The following B3GAT2 variants were observed in gnomAD, a reference collection of about 807,000 sequenced individuals.
The protein encoded by B3GAT2 is galactosylgalactosylxylosylprotein 3-beta-glucuronosyltransferase 2.
A neutral mutation model predicts 27.8 loss-of-function variants in B3GAT2; 26 were observed. That is an observed-to-expected ratio of 0.93 (90% CI 0.68 to 1.30). B3GAT2 has a LOEUF of 1.30. Among genes scored for constraint, B3GAT2 ranks in the 50% most tolerant of loss-of-function variants. The pLI is 0.00. For missense variants in B3GAT2, 458 were observed against 459.0 expected (o/e 1.00, Z 0.02); for synonymous variants, 218 against 195.1 (o/e 1.12, Z -0.98).
chr6:70,933,542 C>G (rs1048645617), intron 1 of B3GAT2, among the ~76,000 whole-genome samples: 2 of 152,174 alleles, frequency 1.3e-5, no homozygotes, highest in African/African-American at 2.4e-5. Context: ...ATGTCTCTAG[C>G]ACTCTTGCCA....
chr6:70,905,885 C>CTG (rs36123503), intron 1 of B3GAT2, among the ~76,000 whole-genome samples: 27 of 150,790 alleles, frequency 1.8e-4, no homozygotes, highest in South Asian at 8.4e-4. Flanking sequence ...TCTCCTGGCA[C>CTG]TGTGTGTGTG....
chr6:70,952,876 A>C (rs959585093), intron 1 of B3GAT2, among the ~76,000 whole-genome samples: 1 of 152,260 alleles, frequency 6.6e-6, no homozygotes, highest in Non-Finnish European at 1.5e-5. Flanking sequence ...GAGATGACAA[A>C]GCACCATTCC....
intron 1 of B3GAT2, among the ~76,000 whole-genome samples, chr6:70,925,650 G>A (rs1354323955): frequency 6.6e-6 from 1 of 152,226 alleles, no homozygotes; most frequent in Non-Finnish European, 1.5e-5. Flanking sequence ...CGGCCAGAAA[G>A]CTCAAACTGG....
intron 2 of B3GAT2, among the ~76,000 whole-genome samples, chr6:70,886,466 G>A (rs1259068076): frequency 6.6e-6 from 1 of 152,176 alleles, no homozygotes; most frequent in African/African-American, 2.4e-5. Context: ...TTTAGTCCTG[G>A]AATGAATGTT....
At chr6:70,931,125 A>G (rs1256417141) in intron 1 of B3GAT2, among the ~76,000 whole-genome samples, 2 of 152,092 alleles carry the variant, frequency 1.3e-5, no homozygotes, top group Non-Finnish European at 2.9e-5. Context: ...ATAGGTGGGA[A>G]CTGAACAATG....
At chr6:70,877,302 T>C (rs1398841002) in intron 2 of B3GAT2, among the ~76,000 whole-genome samples, 1 of 152,042 alleles carries the variant, frequency 6.6e-6, no homozygotes, top group Non-Finnish European at 1.5e-5. Flanking sequence ...GGAGCTTACA[T>C]CAGAACCTGG....
At chr6:70,896,303 A>G (rs904129262) in intron 1 of B3GAT2, among the ~76,000 whole-genome samples, 2 of 152,180 alleles carry the variant, frequency 1.3e-5, no homozygotes, top group African/African-American at 2.4e-5. Flanking sequence ...CGTCAGTGTA[A>G]TAAGTCTTAG....
Position 70,857,114 on chromosome 6 carries a change from T to C in B3GAT2, c.*4549A>G. 1 of 1,339,316 alleles carries C rather than the reference T, an allele frequency of 7.5e-7. No individual in the cohort carries two copies. The highest frequency in any genetic ancestry group is 1.0e-6 in the Non-Finnish European group (1 of 1,000,768). 83.0% of individuals were successfully genotyped at this position (1,339,316 alleles called of 1,614,324 possible). A position where few individuals can be genotyped will look rare whatever the true frequency, so the allele number is the denominator to read the frequency against. On this transcript the variant is annotated 3_prime_UTR_variant, in exon 4 of 4. Coordinates refer to ENST00000230053, the MANE Select transcript of B3GAT2 (RefSeq NM_080742.3). Reference sequence around the variant, plus strand: ...ATATAATAAGATCAATTATATATCTTTTATTGTTCCATGTAGTGAGTGCTT... The same window carrying C: ...ATATAATAAGATCAATTATATATCTCTTATTGTTCCATGTAGTGAGTGCTT...
intron 1 of B3GAT2, among the ~76,000 whole-genome samples, chr6:70,943,163 GT>G (rs534139056): frequency 8.0e-4 from 121 of 152,078 alleles, no homozygotes; most frequent in African/African-American, 2.6e-3. Context: ...AAGTTTTCTT[GT>G]TTTTTTTAAC....
intron 1 of B3GAT2, among the ~76,000 whole-genome samples, chr6:70,951,272 G>A (rs1183798957): frequency 6.6e-6 from 1 of 152,116 alleles, no homozygotes; most frequent in Non-Finnish European, 1.5e-5. Context: ...CATTGACTTT[G>A]GATTTTCTAT....
chr6:70,877,435 T>A (rs1004586422), intron 2 of B3GAT2, among the ~76,000 whole-genome samples: 1 of 152,122 alleles, frequency 6.6e-6, no homozygotes, highest in African/African-American at 2.4e-5. Flanking sequence ...GAGCTATGGG[T>A]TCTTCCTGGA....
intron 2 of B3GAT2, among the ~76,000 whole-genome samples, chr6:70,875,948 C>T (rs938528833): frequency 6.6e-6 from 1 of 152,194 alleles, no homozygotes; most frequent in South Asian, 2.1e-4. Flanking sequence ...GATGGAAAAT[C>T]TGATCCTAAT....
Position 70,856,865 on chromosome 6 carries a change from C to A in B3GAT2, c.*4798G>T, listed in dbSNP as rs747368846. 6.2e-7 allele frequency: 1 copy of A among 1,610,854 alleles called. No individual in the cohort carries two copies. Among genetic ancestry groups the A allele is most frequent in the Non-Finnish European group, 8.5e-7 (1 of 1,178,164 alleles). On this transcript the variant is annotated 3_prime_UTR_variant, in exon 4 of 4. Coordinates refer to ENST00000230053, the MANE Select transcript of B3GAT2 (RefSeq NM_080742.3). ...ATTTTGGTGTTTGTCTCAGGGGACA[C>A]CCTCTGCACCAGCAGCTGCAACCCT...
rs9364112 is a variant in B3GAT2 at position 70,889,716 on chromosome 6, C to T, written c.736+4412G>A. On this transcript the variant is annotated intron_variant, in intron 2 of 3. Coordinates refer to ENST00000230053, the MANE Select transcript of B3GAT2 (RefSeq NM_080742.3). ...CACAACATCCTTTCAAATCCCTGTCCAGCCAAGACAGAACCTCCCCAAGCC... is the reference window on the plus strand; with the variant it reads ...CACAACATCCTTTCAAATCCCTGTCTAGCCAAGACAGAACCTCCCCAAGCC... Among the ~76,000 whole-genome samples the T allele has an allele frequency of 0.017, 2,517 of 152,162 alleles. 367 individuals carry two copies. In the East Asian group the frequency reaches 0.36, roughly 22 times the overall value.
chr6:70,872,610 C>T (rs756834980), intron 2 of B3GAT2, among the ~76,000 whole-genome samples: 8 of 150,290 alleles, frequency 5.3e-5, no homozygotes, highest in Non-Finnish European at 8.9e-5. Flanking sequence ...GTCTTGTAGA[C>T]AGCATATAGT....
chr6:70,873,323 G>C (rs1464574541), intron 2 of B3GAT2, among the ~76,000 whole-genome samples: 1 of 152,118 alleles, frequency 6.6e-6, no homozygotes, highest in Non-Finnish European at 1.5e-5. Flanking sequence ...AGTTTTGCTG[G>C]ATACAGAATT....
chr6:70,950,916 T>A (rs1765569660), intron 1 of B3GAT2, among the ~76,000 whole-genome samples: 1 of 152,198 alleles, frequency 6.6e-6, no homozygotes, highest in Non-Finnish European at 1.5e-5. Flanking sequence ...TATTTAAAAT[T>A]GTATGCAAAA....
intron 2 of B3GAT2, among the ~76,000 whole-genome samples, chr6:70,891,156 A>G (rs1772282050): frequency 6.6e-6 from 1 of 152,122 alleles, no homozygotes; most frequent in Non-Finnish European, 1.5e-5. Context: ...GAGGTGTAAG[A>G]ATTGAATTCT....
At chr6:70,940,428 A>G (rs1182869993) in intron 1 of B3GAT2, among the ~76,000 whole-genome samples, 1 of 152,068 alleles carries the variant, frequency 6.6e-6, no homozygotes, top group East Asian at 1.9e-4. Context: ...GCTGGTCAGA[A>G]GAATATTCCT....
Sources: allele counts gnomAD v4.1 joint callset (sites outside exome capture counted in the v4.1 genomes callset), GRCh38; gene constraint gnomAD v4.1.1; transcripts MANE v1.5; gene names NCBI Gene and HGNC (gene_info 2026-07-23, HGNC 2026-07-21).